COLGALT2: variants seen among roughly 807,000 people sequenced by gnomAD.
COLGALT2 encodes procollagen galactosyltransferase 2.
A neutral mutation model predicts 73.4 loss-of-function variants in COLGALT2; 49 were observed. The observed-to-expected ratio is 0.67, with a 90% confidence interval of 0.53 to 0.85. The LOEUF (loss-of-function observed/expected upper bound fraction) is 0.85. COLGALT2 is among the 40% of genes least tolerant of loss of function. COLGALT2 has a pLI of 0.00. For missense variants in COLGALT2, 722 were observed against 790.2 expected (o/e 0.91, Z 1.03); for synonymous variants, 295 against 307.6 (o/e 0.96, Z 0.43).
chr1:183,959,019 G>A (rs1670626318), intron 6 of COLGALT2, among the ~76,000 whole-genome samples: 1 of 151,982 alleles, frequency 6.6e-6, no homozygotes. Context: ...ATGGATTTGT[G>A]TTCTCATCAT....
At chr1:184,002,406 TAGA>T (rs2102839899) in intron 1 of COLGALT2, among the ~76,000 whole-genome samples, 1 of 152,296 alleles carries the variant, frequency 6.6e-6, no homozygotes, top group South Asian at 2.1e-4. Context: ...AGTAGGAGGC[TAGA>T]AGATCTGAAA....
Position 184,025,474 on chromosome 1 carries a change from G to A in COLGALT2, c.263+11621C>T, listed in dbSNP as rs544593038. Reference sequence around the variant, plus strand: ...CACACCAAAACACATACTGTAGGAAGGAATCCTGAGCTGGCCAGAGCCTGG... The same window carrying A: ...CACACCAAAACACATACTGTAGGAAAGAATCCTGAGCTGGCCAGAGCCTGG... On this transcript the variant is annotated intron_variant, in intron 1 of 11. Coordinates refer to ENST00000361927, the MANE Select transcript of COLGALT2 (RefSeq NM_015101.4). Among the ~76,000 whole-genome samples the A allele has an allele frequency of 3.3e-5, 5 of 152,296 alleles. No homozygotes were observed. In the South Asian group the frequency reaches 1.0e-3, roughly 32 times the overall value.
chr1:184,015,403 C>T (rs1384283043), intron 1 of COLGALT2, among the ~76,000 whole-genome samples: 2 of 152,186 alleles, frequency 1.3e-5, no homozygotes, highest in Non-Finnish European at 2.9e-5. Flanking sequence ...CAGAACAGTG[C>T]CTTGTTCCTC....
intron 2 of COLGALT2, among the ~76,000 whole-genome samples, chr1:183,976,659 T>C (rs1281226930): frequency 6.6e-6 from 1 of 152,160 alleles, no homozygotes; most frequent in Non-Finnish European, 1.5e-5. Context: ...GCCAAGAACA[T>C]GGCTCTGAGG....
At chr1:183,963,232 C>G (rs1670765647) in intron 6 of COLGALT2, among the ~76,000 whole-genome samples, 1 of 152,158 alleles carries the variant, frequency 6.6e-6, no homozygotes, top group Non-Finnish European at 1.5e-5. Context: ...GGGTTCAAAT[C>G]CCAATCTGTC....
chr1:183,930,572 T>C (rs1669824179), intron 11 of COLGALT2, among the ~76,000 whole-genome samples: 2 of 135,418 alleles, frequency 1.5e-5, no homozygotes, highest in African/African-American at 5.8e-5. Context: ...TCTTTTTCTT[T>C]TTTTTTTTTT....
chr1:183,994,213 T>C (rs1671710828), intron 1 of COLGALT2, among the ~76,000 whole-genome samples: 1 of 151,504 alleles, frequency 6.6e-6, no homozygotes, highest in Non-Finnish European at 1.5e-5. Context: ...TAATTTTTTG[T>C]ATTTTTGGTA....
At chr1:183,975,427 A>C (rs1382568975) in intron 2 of COLGALT2, among the ~76,000 whole-genome samples, 1 of 152,194 alleles carries the variant, frequency 6.6e-6, no homozygotes, top group Non-Finnish European at 1.5e-5. Context: ...TCTTTACATG[A>C]AATATTTCAG....
At chr1:184,025,080 G>A (rs192560065) in intron 1 of COLGALT2, among the ~76,000 whole-genome samples, 92 of 152,310 alleles carry the variant, frequency 6.0e-4, no homozygotes, top group African/African-American at 1.4e-3. Flanking sequence ...AATGGTATTC[G>A]CACAGGCGTT....
chr1:184,021,943 C>T (rs1435860905), intron 1 of COLGALT2, among the ~76,000 whole-genome samples: 4 of 152,118 alleles, frequency 2.6e-5, no homozygotes, highest in Non-Finnish European at 4.4e-5. Flanking sequence ...AATTCTTCTA[C>T]CAAAAATGAT....
chr1:183,937,684 C>G lies in COLGALT2; in HGVS notation c.*1077G>C, dbSNP rs1005616480. The G allele has an allele frequency of 1.0e-6, 1 of 985,434 alleles. No individual in the cohort carries two copies. The highest frequency in any genetic ancestry group is 1.7e-5 in the African/African-American group (1 of 57,360). The allele number at this position is 985,434 out of a possible 1,614,324, so 61.0% of individuals were successfully genotyped here. On this transcript the variant is annotated 3_prime_UTR_variant, in exon 12 of 12. Transcript: ENST00000361927. ...AACCAATGTGTCCACACCCACCACT[C>G]CCCCGGGTGCCGTGGAAGTCTGCAA...
At position 183,936,913 on chromosome 1, in the gene COLGALT2, G is replaced by T; in HGVS notation, c.*1848C>A. The T allele has an allele frequency of 8.1e-7, 1 of 1,231,786 alleles. No homozygotes were observed. Among genetic ancestry groups the T allele is most frequent in the Non-Finnish European group, 1.0e-6 (1 of 988,012 alleles). 76.3% of individuals were successfully genotyped at this position (1,231,786 alleles called of 1,614,324 possible). The stretch of plus-strand genomic sequence containing the variant: ...GCTGGCGTCTGGTGGAAGGCAAGCT[G>T]CCTCTTGTCCTAAAGTGGGGACCCG... On this transcript the variant is annotated 3_prime_UTR_variant, in exon 12 of 12. Transcript: ENST00000361927.
chr1:183,942,503 A>G (rs1367891960), intron 10 of COLGALT2, among the ~76,000 whole-genome samples: 5 of 152,244 alleles, frequency 3.3e-5, no homozygotes, highest in African/African-American at 1.2e-4. Flanking sequence ...TGAAAATGAC[A>G]TATGTGGCTT....
At chr1:183,960,201 GACT>G (rs75787083) in intron 6 of COLGALT2, among the ~76,000 whole-genome samples, 29,815 of 151,878 alleles carry the variant, frequency 0.2, 3,136 homozygotes, top group Non-Finnish European at 0.21. Flanking sequence ...AGAATTCAAG[GACT>G]ACAACAATGA....
rs369842594 is a variant in COLGALT2 at position 184,031,817 on chromosome 1, A to ATCCATCCTTCCT, written c.263+5277_263+5278insAGGAAGGATGGA. Among the ~76,000 whole-genome samples, 1,322 of 139,304 alleles carry ATCCATCCTTCCT rather than the reference A, an allele frequency of 9.5e-3. 9 individuals carry two copies. The highest frequency in any genetic ancestry group is 0.014 in the Non-Finnish European group (876 of 63,590). 91.4% of individuals were successfully genotyped at this position (139,304 alleles called of 152,430 possible). A position where few individuals can be genotyped will look rare whatever the true frequency, so the allele number is the denominator to read the frequency against. ...TCTAGAACAGTGCCTCCATGAATGTATCCTTCCTTCCTTCCTTCCTTCCTT... is the reference window on the plus strand; with the variant it reads ...TCTAGAACAGTGCCTCCATGAATGTATCCATCCTTCCTTCCTTCCTTCCTTCCTTCCTTCCTT... On this transcript the variant is annotated intron_variant, in intron 1 of 11. Coordinates refer to ENST00000361927, the MANE Select transcript of COLGALT2 (RefSeq NM_015101.4).
In COLGALT2 at chr1:183,938,926, C is replaced by T. The variant is rs768389964; in HGVS notation, c.1716G>A (p.Thr572=). The change falls in exon 12 of 12, where the codon ACG becomes ACA. Residue 572 remains threonine, a synonymous_variant. Coordinates refer to ENST00000361927, the MANE Select transcript of COLGALT2 (RefSeq NM_015101.4). The stretch of plus-strand genomic sequence containing the variant: ...CATTGTCCCAGATGGTGGAGGTCTC[C>T]GTGTCACTCAGGTACCCCGGCTGGC... ...YTGQPGYLSD[T]ETSTIWDNET... 2.7e-5 allele frequency: 44 copies of T among 1,613,940 alleles called. No individual in the cohort carries two copies. Among genetic ancestry groups the T allele is most frequent in the South Asian group, 1.9e-4 (17 of 91,080 alleles).
chr1:183,965,211 G>A (rs1245243818), intron 5 of COLGALT2, among the ~76,000 whole-genome samples: 1 of 152,118 alleles, frequency 6.6e-6, no homozygotes, highest in African/African-American at 2.4e-5. Context: ...GCTTCAAAGT[G>A]CACCTTCTTG....
Position 183,937,685 on chromosome 1 carries a change from C to G in COLGALT2, c.*1076G>C. On this transcript the variant is annotated 3_prime_UTR_variant, in exon 12 of 12. Coordinates refer to ENST00000361927, the MANE Select transcript of COLGALT2 (RefSeq NM_015101.4). ...ACCAATGTGTCCACACCCACCACTC[C>G]CCCGGGTGCCGTGGAAGTCTGCAAC... 2 of 985,456 alleles carry G rather than the reference C, an allele frequency of 2.0e-6. No individual in the cohort carries two copies. The highest frequency in any genetic ancestry group is 1.7e-5 in the African/African-American group (1 of 57,362). 61.0% of individuals were successfully genotyped at this position (985,456 alleles called of 1,614,324 possible).
rs192482699 is a variant in COLGALT2 at position 183,936,700 on chromosome 1, T to C, written c.*2061A>G. ...ACCCAAGGAAATCTTAGGAATCACC[T>C]AAGGAATTTTCACTCGCTCCCCAGA... On this transcript the variant is annotated 3_prime_UTR_variant, in exon 12 of 12. Transcript: ENST00000361927. 8.1e-6 allele frequency: 10 copies of C among 1,229,790 alleles called. No homozygotes were observed. The African/African-American group carries it at 1.6e-4, about 19-fold the overall frequency. 76.2% of individuals were successfully genotyped at this position (1,229,790 alleles called of 1,614,324 possible).
Sources: allele counts gnomAD v4.1 joint callset (sites outside exome capture counted in the v4.1 genomes callset), GRCh38; gene constraint gnomAD v4.1.1; transcripts MANE v1.5; gene names NCBI Gene and HGNC (gene_info 2026-07-23, HGNC 2026-07-21).